The following CALN1 variants were observed in gnomAD, a reference collection of about 807,000 sequenced individuals.
CALN1 encodes the protein calneuron 1.
CALN1 carries 17 observed loss-of-function variants against 30.6 expected under a neutral mutation model. The ratio of observed to expected loss-of-function variants is 0.56; its 90% CI spans 0.38 to 0.83. The LOEUF is 0.83. Ranked by LOEUF, CALN1 falls within the 40% of genes least tolerant of loss-of-function variation. The pLI is 0.00. For synonymous variants in CALN1, 156 were observed against 131.4 expected, an observed-to-expected ratio of 1.19 and a Z score of -1.28; for missense variants, 291 against 354.9, an observed-to-expected ratio of 0.82 and a Z score of 1.45.
intron 2 of CALN1, among the ~76,000 whole-genome samples, chr7:72,294,963 A>G (rs935763871): frequency 7.9e-5 from 12 of 152,258 alleles, no homozygotes; most frequent in South Asian, 2.1e-4. Flanking sequence ...ATTATCAAAT[A>G]TAAGACCACA....
chr7:72,279,926 C>G (rs1049159418), intron 2 of CALN1, among the ~76,000 whole-genome samples: 32 of 152,294 alleles, frequency 2.1e-4, no homozygotes, highest in Non-Finnish European at 1.5e-4. Context: ...GGGTAGAGAA[C>G]ATCTTTGTAT....
chr7:72,497,456 T>C, the CALN1 span, among the ~76,000 whole-genome samples: 7 of 151,960 alleles, frequency 4.6e-5, no homozygotes, highest in South Asian at 1.5e-3. Flanking sequence ...AACAAAGGAA[T>C]GACAATGACA....
intron 3 of CALN1, among the ~76,000 whole-genome samples, chr7:72,248,718 T>C (rs1795352247): frequency 6.6e-6 from 1 of 151,930 alleles, no homozygotes; most frequent in Non-Finnish European, 1.5e-5. Flanking sequence ...TTCACAAGTG[T>C]CAGGAATTAG....
chr7:72,125,799 C>CATTCT (rs1270338289), intron 3 of CALN1, among the ~76,000 whole-genome samples: 1 of 114,774 alleles, frequency 8.7e-6, no homozygotes, highest in African/African-American at 3.3e-5. Flanking sequence ...CTGTATCATT[C>CATTCT]TTTTTTTTTT....
At chr7:72,424,218 C>T (rs753518408) in intron 1 of CALN1, among the ~76,000 whole-genome samples, 5 of 152,044 alleles carry the variant, frequency 3.3e-5, no homozygotes, top group Admixed American at 2.0e-4. Context: ...CAATGGAGCC[C>T]CCTTGTTTTG....
At chr7:72,119,505 G>GGTAAAAGAAA (rs1437958963) in intron 3 of CALN1, among the ~76,000 whole-genome samples, 1 of 142,702 alleles carries the variant, frequency 7.0e-6, no homozygotes, top group Non-Finnish European at 1.5e-5. Context: ...TGCATTATAT[G>GGTAAAAGAAA]GTAAAAGAAA....
chr7:72,397,510 A>G (rs974771333), intron 2 of CALN1, among the ~76,000 whole-genome samples: 4 of 152,120 alleles, frequency 2.6e-5, no homozygotes, highest in African/African-American at 9.7e-5. Context: ...ATAAGCTGCT[A>G]GGGAATTCCA....
the CALN1 span, among the ~76,000 whole-genome samples, chr7:72,472,828 C>T: frequency 6.6e-6 from 1 of 152,168 alleles, no homozygotes; most frequent in African/African-American, 2.4e-5. Flanking sequence ...AAACACCTTG[C>T]TATCCCTCCC....
chr7:71,968,155 G>A (rs187079940), intron 5 of CALN1, among the ~76,000 whole-genome samples: 141 of 152,216 alleles, frequency 9.3e-4, no homozygotes, highest in Non-Finnish European at 1.6e-3. Context: ...AACTAGTGAA[G>A]GGATAAATGC....
At chr7:71,798,202 G>A (rs1182921852) in intron 6 of CALN1, among the ~76,000 whole-genome samples, 1 of 148,484 alleles carries the variant, frequency 6.7e-6, no homozygotes, top group Admixed American at 6.8e-5. Context: ...TTGAGTCCAG[G>A]CCACCCAAAG....
In CALN1 at chr7:71,987,778, G is replaced by C. The variant is rs550006668; in HGVS notation, c.501+35879C>G. Reference sequence around the variant, plus strand: ...GGCAGATAAATGTCTAAATCTTTCCGGATAGCAGGCTCGTCTCTTTTTTAT... The same window carrying C: ...GGCAGATAAATGTCTAAATCTTTCCCGATAGCAGGCTCGTCTCTTTTTTAT... On this transcript the variant is annotated intron_variant, in intron 5 of 6. Coordinates refer to ENST00000395275, the MANE Select transcript of CALN1 (RefSeq NM_031468.4). Among the ~76,000 whole-genome samples, 329 of 152,320 alleles carry C rather than the reference G, an allele frequency of 2.2e-3. 2 individuals are homozygous for C. The highest frequency in any genetic ancestry group is 3.7e-3 in the Non-Finnish European group (249 of 68,036).
chr7:72,236,513 T>C (rs1410927020), intron 3 of CALN1, among the ~76,000 whole-genome samples: 1 of 152,214 alleles, frequency 6.6e-6, no homozygotes, highest in African/African-American at 2.4e-5. Context: ...CCCATAGAGA[T>C]AGCAGCAAAG....
chr7:72,464,092 GA>G, the CALN1 span, among the ~76,000 whole-genome samples: 1 of 151,740 alleles, frequency 6.6e-6, no homozygotes, highest in African/African-American at 2.4e-5. Context: ...AAGAAAGAAA[GA>G]AAGAAAGAGA....
At chr7:72,114,347 A>G (rs984725228) in intron 3 of CALN1, among the ~76,000 whole-genome samples, 1 of 139,344 alleles carries the variant, frequency 7.2e-6, no homozygotes, top group African/African-American at 2.6e-5. Context: ...CATTAACAAC[A>G]AACAATTCAG....
At chr7:71,888,398 T>C (rs1297432833) in intron 5 of CALN1, among the ~76,000 whole-genome samples, 6 of 149,732 alleles carry the variant, frequency 4.0e-5, no homozygotes, top group African/African-American at 1.5e-4. Flanking sequence ...GGCGATTGTA[T>C]GGTTTGTGGA....
At chr7:72,479,643 C>G in the CALN1 span, among the ~76,000 whole-genome samples, 1 of 151,462 alleles carries the variant, frequency 6.6e-6, no homozygotes, top group Non-Finnish European at 1.5e-5. Context: ...ACCTCCATCT[C>G]CTGGTTCAAG....
At chr7:72,337,044 C>T in intron 2 of CALN1, 1 of 985,606 alleles carries the variant, frequency 1.0e-6, no homozygotes, top group Non-Finnish European at 1.2e-6. Context: ...GCACCGCGCG[C>T]TCCTCTACCC....
chr7:71,832,447 T>G (rs1327964033), intron 5 of CALN1, among the ~76,000 whole-genome samples: 1 of 152,182 alleles, frequency 6.6e-6, no homozygotes, highest in Non-Finnish European at 1.5e-5. Context: ...AAGTGTGGAT[T>G]TACCTTGATT....
At chr7:72,107,057 G>C (rs983645761) in intron 3 of CALN1, among the ~76,000 whole-genome samples, 1 of 152,096 alleles carries the variant, frequency 6.6e-6, no homozygotes, top group South Asian at 2.1e-4. Flanking sequence ...AGGAAGGGAG[G>C]GAGGAGGCAG....
Sources: gnomAD v4.1 joint callset for allele counts (sites outside exome capture counted in the v4.1 genomes callset) on GRCh38, gnomAD v4.1.1 for gene constraint, MANE v1.5 for transcripts, NCBI Gene and HGNC (gene_info 2026-07-23, HGNC 2026-07-21) for gene names.